Variants in PC observed in about 807,000 individuals in gnomAD.
The protein encoded by PC is pyruvate carboxylase, mitochondrial.
PC carries 46 observed loss-of-function variants against 107.8 expected under a neutral mutation model. The ratio of observed to expected loss-of-function variants is 0.43; its 90% CI spans 0.34 to 0.55. The LOEUF (loss-of-function observed/expected upper bound fraction) is 0.55, where lower values mean the gene tolerates loss of function less well. Among genes scored for constraint, PC ranks in the 20% least tolerant of loss-of-function variants. The pLI is 0.04. For synonymous variants in PC, 662 were observed against 684.7 expected, an observed-to-expected ratio of 0.97 and a Z score of 0.52; for missense variants, 1,241 against 1,643.1, an observed-to-expected ratio of 0.76 and a Z score of 4.23.
chr11:66,943,811 C>T (rs1949215275), intron 3 of PC, among the ~76,000 whole-genome samples: 1 of 140,782 alleles, frequency 7.1e-6, no homozygotes, highest in African/African-American at 2.7e-5. Context: ...GGTGAAACCC[C>T]GTTTCTACTA....
chr11:66,876,347 C>A (rs544148628), intron 3 of PC, among the ~76,000 whole-genome samples: 4 of 152,304 alleles, frequency 2.6e-5, no homozygotes, highest in African/African-American at 9.6e-5. Context: ...AAAACGGGAA[C>A]AATGAAGCAA....
At chr11:66,932,822 T>A (rs917850796) in intron 3 of PC, among the ~76,000 whole-genome samples, 8 of 152,144 alleles carry the variant, frequency 5.3e-5, no homozygotes, top group Admixed American at 5.2e-4. Context: ...CTCAATTATG[T>A]CCCCTGTTGG....
chr11:66,874,026 C>T (rs1243082730), intron 3 of PC, among the ~76,000 whole-genome samples: 1 of 151,742 alleles, frequency 6.6e-6, no homozygotes, highest in Non-Finnish European at 1.5e-5. Flanking sequence ...ATGGTGCGAT[C>T]TCGGCTCACT....
chr11:66,873,475 TAATATATAATATTA>T (rs1946839711), intron 3 of PC, among the ~76,000 whole-genome samples: 1 of 77,490 alleles, frequency 1.3e-5, no homozygotes, highest in Non-Finnish European at 2.4e-5. Flanking sequence ...ATATATAATA[TAATATATAATATTA>T]TATATATTAT....
At chr11:66,888,310 A>G (rs2136002709) in intron 3 of PC, among the ~76,000 whole-genome samples, 2 of 152,338 alleles carry the variant, frequency 1.3e-5, no homozygotes, top group Non-Finnish European at 1.5e-5. Context: ...GGAGTCCTCT[A>G]TCCAGTTAGA....
In PC at chr11:66,852,421, C is replaced by A. The variant is rs541659826; in HGVS notation, c.1825+18G>T. 1.2e-6 allele frequency: 2 copies of A among 1,602,550 alleles called. No homozygotes were observed. Among genetic ancestry groups the A allele is most frequent in the Non-Finnish European group, 1.7e-6 (2 of 1,169,964 alleles). On this transcript the variant is annotated intron_variant, in intron 15 of 22. Transcript: ENST00000393960. The surrounding 1 kb of genome is among the most constrained non-coding windows in gnomAD (Gnocchi z 4.7). ...GGGCGCCCATTCCTACCAGGCGCTG[C>A]GCAGCATGCCAGCCTACCTCCCCAG...
At chr11:66,917,804 G>C (rs150062477) in intron 3 of PC, among the ~76,000 whole-genome samples, 2 of 152,312 alleles carry the variant, frequency 1.3e-5, no homozygotes, top group East Asian at 3.9e-4. Context: ...GTTACCTGGG[G>C]CAAGAGGCAC....
Position 66,849,145 on chromosome 11 carries a change from C to T in PC, c.3291G>A (p.Glu1097=), listed in dbSNP as rs1204524033. The change falls in exon 23 of 23, where the codon GAG becomes GAA. Residue 1097 remains glutamate, a splice_region_variant and synonymous_variant. Coordinates refer to ENST00000393960, the MANE Select transcript of PC (RefSeq NM_001040716.2). ...ILVKDTQAMK[E]MHFHPKALKD... ...TTAGGGCCTTGGGGTGGAAGTGCAT[C>T]TCCTGAAGACACAGGGCAGAGGGGA... is the stretch of plus-strand genomic sequence containing the variant. The T allele has an allele frequency of 6.2e-7, 1 of 1,613,938 alleles. No individual in the cohort carries two copies. Among genetic ancestry groups the T allele is most frequent in the South Asian group, 1.1e-5 (1 of 91,088 alleles).
rs1221585928 is a variant in PC, at chr11:66,857,377, T to C, written c.1369-3994A>G. The C allele has an allele frequency of 4.9e-6, 1 of 205,122 alleles. No homozygotes were observed. The allele number at this position is 205,122 out of a possible 1,614,324, so 12.7% of individuals were successfully genotyped here. A position where few individuals can be genotyped will look rare whatever the true frequency, so the allele number is the denominator to read the frequency against. On this transcript the variant is annotated intron_variant, in intron 12 of 22. Transcript: ENST00000393960. The surrounding 1 kb of genome is among the most constrained non-coding windows in gnomAD (Gnocchi z 7.1). ...CACGGGAGGTTCGGGGGGCGCCTTC[T>C]CTGGCGGGGGAGGGTATGGCGGGGA...
chr11:66,884,020 G>T (rs1012031505), intron 3 of PC, among the ~76,000 whole-genome samples: 10 of 152,120 alleles, frequency 6.6e-5, no homozygotes, highest in Non-Finnish European at 1.5e-4. Context: ...TGAAGCGGGT[G>T]GATCACCTAA....
At chr11:66,943,455 T>C (rs1949198190) in intron 3 of PC, among the ~76,000 whole-genome samples, 1 of 151,800 alleles carries the variant, frequency 6.6e-6, no homozygotes, top group East Asian at 1.9e-4. Flanking sequence ...AATAAACTTC[T>C]CGGCCGGGTG....
chr11:66,878,258 G>A (rs1173995135), intron 3 of PC, among the ~76,000 whole-genome samples: 2 of 152,114 alleles, frequency 1.3e-5, no homozygotes, highest in South Asian at 4.1e-4. Context: ...GGGAGCCCCA[G>A]TCCTTTCCTC....
Position 66,858,617 on chromosome 11 carries a change from G to C in PC, c.1368+5157C>G, listed in dbSNP as rs1472804389. ...TTGCCCGCCACACGCAGCGCCTCTG[G>C]GTGCTGGAAGGCCAGCGGGCCACGC... On this transcript the variant is annotated intron_variant, in intron 12 of 22. Transcript: ENST00000393960. The surrounding 1 kb of genome is among the most constrained non-coding windows in gnomAD (Gnocchi z 5.9). The C allele has an allele frequency of 2.0e-6, 3 of 1,536,018 alleles. No individual in the cohort carries two copies. The highest frequency in any genetic ancestry group is 2.6e-6 in the Non-Finnish European group (3 of 1,143,974).
chr11:66,913,866 A>G (rs1948404165), intron 3 of PC, among the ~76,000 whole-genome samples: 2 of 152,002 alleles, frequency 1.3e-5, no homozygotes, highest in Non-Finnish European at 2.9e-5. Flanking sequence ...CTGGAGGAGG[A>G]CCTGGAAAAT....
chr11:66,915,750 C>A (rs781739036), intron 3 of PC, among the ~76,000 whole-genome samples: 3 of 152,188 alleles, frequency 2.0e-5, no homozygotes, highest in Non-Finnish European at 2.9e-5. Context: ...TAAAGTCTCA[C>A]GCTAACGTAA....
intron 19 of PC, 23 bp from the exon 20 acceptor site, chr11:66,850,139 T>C (rs755509403): frequency 6.2e-7 from 1 of 1,613,798 alleles, no homozygotes; most frequent in East Asian, 2.2e-5. Flanking sequence ...CCCTGGAGGT[T>C]AGGGTGCCAG....
chr11:66,865,820 T>G (rs1019424494), intron 11 of PC, among the ~76,000 whole-genome samples: 2 of 152,008 alleles, frequency 1.3e-5, no homozygotes, highest in African/African-American at 4.8e-5. Context: ...TGTCAGCCCA[T>G]CCCTCAGATG....
At chr11:66,936,841 T>C (rs906156080) in intron 3 of PC, among the ~76,000 whole-genome samples, 2 of 150,732 alleles carry the variant, frequency 1.3e-5, no homozygotes, top group Middle Eastern at 3.2e-3. Context: ...TAGGTCTTCT[T>C]TTTTTTTTAA....
intron 11 of PC, among the ~76,000 whole-genome samples, chr11:66,864,336 G>C (rs542036713): frequency 1.3e-5 from 2 of 152,252 alleles, no homozygotes; most frequent in Non-Finnish European, 2.9e-5. Context: ...ATCCACGTTC[G>C]TTCCACAGCA....
Sources: allele counts gnomAD v4.1 joint callset (sites outside exome capture counted in the v4.1 genomes callset), GRCh38; gene constraint gnomAD v4.1.1; non-coding constraint Gnocchi (gnomAD v3.1); transcripts MANE v1.5; gene names NCBI Gene and HGNC (gene_info 2026-07-23, HGNC 2026-07-21).